ABI1: variants seen among roughly 807,000 people sequenced by gnomAD.
ABI1 encodes the protein Abelson interactor 1.
ABI1 carries 14 observed loss-of-function variants against 54.6 expected under a neutral mutation model. The observed-to-expected ratio is 0.26, with a 90% CI of 0.17 to 0.40. ABI1 has a LOEUF of 0.40. ABI1 is among the 10% of genes least tolerant of loss of function. The pLI, the probability that ABI1 is intolerant of heterozygous loss-of-function variation, is 1.00. For missense variants in ABI1, 443 were observed against 598.3 expected, an observed-to-expected ratio of 0.74 and a Z score of 2.71; for synonymous variants, 194 against 209.3, an observed-to-expected ratio of 0.93 and a Z score of 0.63.
At chr10:26,810,618 G>GT (rs1475802971) in intron 2 of ABI1, among the ~76,000 whole-genome samples, 2 of 152,046 alleles carry the variant, frequency 1.3e-5, no homozygotes, top group Non-Finnish European at 2.9e-5. Flanking sequence ...AAAAGCAGCC[G>GT]TAACAATATG....
At chr10:26,765,467 G>C in intron 6 of ABI1, 149 bp from the exon 7 acceptor site, 1 of 635,734 alleles carries the variant, frequency 1.6e-6, no homozygotes, top group Non-Finnish European at 2.7e-6. Context: ...AGCCCCCTTG[G>C]ATACCAAAAC....
Position 26,746,934 on chromosome 10 carries a change from A to AATT in ABI1, c.*1633_*1635dup, listed in dbSNP as rs1231764311. 2 of 253,084 alleles carry AATT rather than the reference A, an allele frequency of 7.9e-6. No individual in the cohort carries two copies. The highest frequency in any genetic ancestry group is 4.4e-5 in the African/African-American group (2 of 44,946). The allele number at this position is 253,084 out of a possible 1,614,324, so 15.7% of individuals were successfully genotyped here. ...GTTTATTATAAAAGACTGTACATAA[A>AATT]ATTTAGACAACAGGTTATATACAAA... On this transcript the variant is annotated 3_prime_UTR_variant, in exon 11 of 11. Coordinates refer to ENST00000376140, the MANE Select transcript of ABI1 (RefSeq NM_001012750.3).
chr10:26,781,532 T>G (rs780196689), intron 2 of ABI1, among the ~76,000 whole-genome samples: 2 of 152,196 alleles, frequency 1.3e-5, no homozygotes, highest in Non-Finnish European at 2.9e-5. Context: ...TAAACTCCAG[T>G]GCCCATGATA....
chr10:26,846,555 C>G (rs2049995277), intron 1 of ABI1, among the ~76,000 whole-genome samples: 1 of 152,080 alleles, frequency 6.6e-6, no homozygotes, highest in Non-Finnish European at 1.5e-5. Context: ...GTTGGCCAGA[C>G]TGGTCTCAAA....
rs372666427 is a variant in ABI1 at position 26,828,489 on chromosome 10, A to G, written c.118-5184T>C. ...CGCAGTCTGCAAAGCGCAGTAAAGC[A>G]AAGCACAATAAAGAGAAGCATGCCT... is the stretch of plus-strand genomic sequence containing the variant. On this transcript the variant is annotated intron_variant, in intron 1 of 10. Transcript: ENST00000376140. 6.6e-5 allele frequency among the ~76,000 whole-genome samples: 10 copies of G among 152,362 alleles called. No homozygotes were observed. In the East Asian group the frequency reaches 1.7e-3, roughly 26 times the overall value.
At chr10:26,771,012 C>T (rs2132756343) in intron 4 of ABI1, 63 bp downstream of exon 4, 5 of 1,562,590 alleles carry the variant, frequency 3.2e-6, no homozygotes, top group East Asian at 4.5e-5. Flanking sequence ...ATTTTAGTGG[C>T]TCTGCAGCCT....
At chr10:26,763,644 T>G (rs1329098853) in intron 7 of ABI1, among the ~76,000 whole-genome samples, 1 of 152,166 alleles carries the variant, frequency 6.6e-6, no homozygotes, top group Non-Finnish European at 1.5e-5. Flanking sequence ...AAAAACACAT[T>G]AAGTTGGTTA....
chr10:26,780,416 T>C (rs1841960812), intron 2 of ABI1, among the ~76,000 whole-genome samples: 3 of 152,158 alleles, frequency 2.0e-5, no homozygotes, highest in Admixed American at 1.3e-4. Flanking sequence ...TAATATTTAG[T>C]AGAGACGAGG....
chr10:26,786,820 C>T (rs1344176216), intron 2 of ABI1, among the ~76,000 whole-genome samples: 2 of 152,140 alleles, frequency 1.3e-5, no homozygotes, highest in African/African-American at 2.4e-5. Flanking sequence ...GCTTAAATTA[C>T]CATATATACA....
At chr10:26,801,547 A>G (rs1444362150) in intron 2 of ABI1, among the ~76,000 whole-genome samples, 1 of 143,958 alleles carries the variant, frequency 6.9e-6, no homozygotes, top group African/African-American at 2.6e-5. Flanking sequence ...AACTTGTCTC[A>G]AAAAAAAAAA....
chr10:26,799,732 C>T (rs1466306311), intron 2 of ABI1, among the ~76,000 whole-genome samples: 2 of 152,088 alleles, frequency 1.3e-5, no homozygotes, highest in Non-Finnish European at 2.9e-5. Context: ...GTTCAAGTAC[C>T]ATTTGCAATT....
intron 1 of ABI1, among the ~76,000 whole-genome samples, chr10:26,858,323 T>A (rs1047579004): frequency 3.3e-5 from 5 of 152,020 alleles, no homozygotes; most frequent in African/African-American, 1.2e-4. Context: ...ACCTACCACA[T>A]CAACTTCCAC....
At chr10:26,756,812 A>T (rs1489940763) in intron 8 of ABI1, among the ~76,000 whole-genome samples, 1 of 152,178 alleles carries the variant, frequency 6.6e-6, no homozygotes, top group African/African-American at 2.4e-5. Context: ...GTTACCAAGG[A>T]TTAATCAAAA....
chr10:26,830,898 C>T lies in ABI1; in HGVS notation c.118-7593G>A, dbSNP rs138149851. 5.9e-3 allele frequency among the ~76,000 whole-genome samples: 892 copies of T among 152,050 alleles called. 11 individuals are homozygous for T. The highest frequency in any genetic ancestry group is 0.014 in the African/African-American group (592 of 41,468). The stretch of plus-strand genomic sequence containing the variant: ...TTGATAAAATGTTCAAATATTTTGC[C>T]CATTTTTTTAATTTTAAAGACAGTG... On this transcript the variant is annotated intron_variant, in intron 1 of 10. Transcript: ENST00000376140.
chr10:26,786,751 C>T (rs1434783531), intron 2 of ABI1, among the ~76,000 whole-genome samples: 1 of 152,204 alleles, frequency 6.6e-6, no homozygotes, highest in African/African-American at 2.4e-5. Context: ...ACGTTACAGA[C>T]AGTGTCTCCC....
intron 2 of ABI1, among the ~76,000 whole-genome samples, chr10:26,805,680 A>G (rs2046833741): frequency 6.6e-6 from 1 of 152,212 alleles, no homozygotes; most frequent in Non-Finnish European, 1.5e-5. Context: ...CAGAGTCTCC[A>G]ATTTCCAAAA....
chr10:26,751,717 G>A lies in ABI1; in HGVS notation c.1151C>T (p.Pro384Leu). The A allele has an allele frequency of 6.2e-7, 1 of 1,613,890 alleles. No homozygotes were observed. Among genetic ancestry groups the A allele is most frequent in the Non-Finnish European group, 8.5e-7 (1 of 1,179,944 alleles). ...PDDIPMFDDS[P>L]PPPPPPPVDY... is the part of the protein sequence containing the mutation. ...CACTGGTGGTGGTGGTGGGGGAGGT[G>A]GAGAGTCATCAAACATGGGAATGTC... Residue 384 changes from proline to leucine, a missense_variant, in exon 10 of 11, where the codon CCA (proline) becomes CTA (leucine). Physicochemically the swap from Pro to Leu is moderately conservative, Grantham distance 98. This residue lies in a region of ABI1 where 394 missense variants were observed against 484.8 expected (regional missense o/e 0.81). Transcript: ENST00000376140.
chr10:26,761,477 T>TA (rs1290346574), intron 7 of ABI1, among the ~76,000 whole-genome samples: 1 of 150,968 alleles, frequency 6.6e-6, no homozygotes, highest in Non-Finnish European at 1.5e-5. Context: ...CATGTGTGTA[T>TA]AAAAAAATTT....
chr10:26,826,302 G>A (rs2048301517), intron 1 of ABI1, among the ~76,000 whole-genome samples: 1 of 152,184 alleles, frequency 6.6e-6, no homozygotes, highest in South Asian at 2.1e-4. Flanking sequence ...CACTGTCAAT[G>A]AGCAGTAATA....
Sources: allele counts gnomAD v4.1 joint callset (sites outside exome capture counted in the v4.1 genomes callset), GRCh38; gene constraint gnomAD v4.1.1; regional missense constraint gnomAD v4.1.1; transcripts MANE v1.5; gene names NCBI Gene and HGNC (gene_info 2026-07-23, HGNC 2026-07-21).